ADAM22: variants seen among roughly 807,000 people sequenced by gnomAD.
ADAM22 encodes the protein disintegrin and metalloproteinase domain-containing protein 22.
Under a neutral mutation model 144.6 loss-of-function variants are expected in ADAM22, and 65 were observed. That is an observed-to-expected ratio of 0.45 (90% CI 0.37 to 0.55). ADAM22 has a LOEUF of 0.55. Among genes scored for constraint, ADAM22 ranks in the 20% least tolerant of loss-of-function variants. The pLI, the probability that ADAM22 is intolerant of heterozygous loss-of-function variation, is 0.00. For synonymous variants in ADAM22, 391 were observed against 412.6 expected (o/e 0.95, Z 0.63); for missense variants, 974 against 1,184.9 (o/e 0.82, Z 2.61).
At position 87,934,436 on chromosome 7, in the gene ADAM22, T is replaced by G. The variant is rs181862036; in HGVS notation, c.-30T>G. 1.9e-6 allele frequency: 3 copies of G among 1,573,548 alleles called. No homozygotes were observed. In the African/African-American group the frequency reaches 4.1e-5, roughly 21 times the overall value. On this transcript the variant is annotated 5_prime_UTR_variant, in exon 1 of 32. Transcript: ENST00000413139. Reference sequence around the variant, plus strand: ...CGGCGCCGGCATGAGGAGCTGAGCGTCTCGGGCGAGGCGGGCTGACGGCAG... The same window carrying G: ...CGGCGCCGGCATGAGGAGCTGAGCGGCTCGGGCGAGGCGGGCTGACGGCAG...
chr7:87,951,168 C>A (rs1845024843), intron 2 of ADAM22, among the ~76,000 whole-genome samples: 1 of 150,158 alleles, frequency 6.7e-6, no homozygotes. Context: ...TCAATTTTGT[C>A]TTTTGTTGCC....
chr7:87,968,904 G>T (rs941160696), intron 2 of ADAM22, among the ~76,000 whole-genome samples: 3 of 152,112 alleles, frequency 2.0e-5, no homozygotes, highest in African/African-American at 7.2e-5. Context: ...GAAGGTGAAG[G>T]GGAAGCTGGC....
chr7:87,976,957 G>C (rs1330686024), intron 2 of ADAM22, among the ~76,000 whole-genome samples: 1 of 151,724 alleles, frequency 6.6e-6, no homozygotes, highest in Admixed American at 6.6e-5. Flanking sequence ...CGGGGGATAT[G>C]ATGTATGGCA....
At chr7:88,061,766 AT>A (rs1809931448) in intron 3 of ADAM22, among the ~76,000 whole-genome samples, 1 of 150,096 alleles carries the variant, frequency 6.7e-6, no homozygotes, top group Non-Finnish European at 1.5e-5. Context: ...GTGAGTGAGT[AT>A]TGGCTTAAAG....
chr7:87,957,933 T>C (rs1847173337), intron 2 of ADAM22, among the ~76,000 whole-genome samples: 1 of 152,164 alleles, frequency 6.6e-6, no homozygotes, highest in African/African-American at 2.4e-5. Context: ...TATATTACTG[T>C]TTTGTGTGTA....
At chr7:87,974,850 A>G (rs1048828337) in intron 2 of ADAM22, among the ~76,000 whole-genome samples, 3 of 152,230 alleles carry the variant, frequency 2.0e-5, no homozygotes, top group East Asian at 3.9e-4. Flanking sequence ...TAGTTTCTAG[A>G]GGCTGTCTGC....
At chr7:88,035,483 C>T (rs537588854) in intron 3 of ADAM22, among the ~76,000 whole-genome samples, 1 of 152,270 alleles carries the variant, frequency 6.6e-6, no homozygotes, top group East Asian at 1.9e-4. Flanking sequence ...ATTTCCAGCA[C>T]AATGTATTAT....
chr7:87,968,493 G>T (rs778123556), intron 2 of ADAM22, among the ~76,000 whole-genome samples: 34 of 152,092 alleles, frequency 2.2e-4, no homozygotes, highest in Non-Finnish European at 4.1e-4. Flanking sequence ...ACCTATGATC[G>T]CATCTCTGAA....
At chr7:88,131,499 T>G in intron 11 of ADAM22, 64 bp downstream of exon 11, 1 of 1,514,918 alleles carries the variant, frequency 6.6e-7, no homozygotes, top group South Asian at 1.1e-5. Flanking sequence ...TTATTGTGAC[T>G]GAAATGTATC....
chr7:88,181,885 G>C (rs973132963), intron 28 of ADAM22, 73 bp from the exon 29 acceptor site: 1 of 1,369,578 alleles, frequency 7.3e-7, no homozygotes. Context: ...ATACCCACTT[G>C]AAATGCCTCG....
At chr7:88,144,786 A>G (rs950461559) in intron 15 of ADAM22, among the ~76,000 whole-genome samples, 9 of 152,158 alleles carry the variant, frequency 5.9e-5, no homozygotes, top group African/African-American at 2.2e-4. Context: ...CCAGTTTGAA[A>G]TGAATTTTCA....
intron 3 of ADAM22, among the ~76,000 whole-genome samples, chr7:88,014,131 C>T (rs1464012205): frequency 6.6e-6 from 1 of 152,054 alleles, no homozygotes; most frequent in Non-Finnish European, 1.5e-5. Flanking sequence ...CATCCCGTAT[C>T]TATCTAGTGG....
intron 30 of ADAM22, among the ~76,000 whole-genome samples, chr7:88,189,216 A>G (rs1450581786): frequency 2.0e-5 from 3 of 152,158 alleles, no homozygotes; most frequent in Non-Finnish European, 4.4e-5. Flanking sequence ...AAGTGAGATC[A>G]GGACAAGAGC....
chr7:88,166,019 T>C (rs1278440417), intron 24 of ADAM22, 73 bp downstream of exon 24: 5 of 1,037,408 alleles, frequency 4.8e-6, no homozygotes, highest in Non-Finnish European at 5.5e-6. Context: ...AAACTTTTAT[T>C]TGAGTTATTT....
chr7:88,026,666 C>T (rs1799100220), intron 3 of ADAM22, among the ~76,000 whole-genome samples: 1 of 152,162 alleles, frequency 6.6e-6, no homozygotes, highest in Non-Finnish European at 1.5e-5. Flanking sequence ...ATATAATCTG[C>T]ACACAAGGAT....
chr7:88,188,308 A>G (rs1848810227), intron 30 of ADAM22, among the ~76,000 whole-genome samples: 1 of 152,132 alleles, frequency 6.6e-6, no homozygotes. Context: ...TGTGGCTCTC[A>G]GAGAAAGAGG....
At chr7:88,162,988 T>A (rs2129529679) in intron 22 of ADAM22, 24 bp from the exon 23 acceptor site, 1 of 1,599,316 alleles carries the variant, frequency 6.3e-7, no homozygotes, top group Non-Finnish European at 8.5e-7. Flanking sequence ...ATAGATTCAT[T>A]TTTTGCTCTC....
At chr7:88,049,811 A>G (rs949504122) in intron 3 of ADAM22, among the ~76,000 whole-genome samples, 5 of 152,118 alleles carry the variant, frequency 3.3e-5, no homozygotes, top group Non-Finnish European at 5.9e-5. Context: ...TGAATGGTAT[A>G]TAGATTCTTT....
chr7:88,114,623 G>A lies in ADAM22; in HGVS notation c.513G>A (p.Glu171=). The A allele has an allele frequency of 6.2e-7, 1 of 1,613,904 alleles. No homozygotes were observed. The highest frequency in any genetic ancestry group is 1.1e-5 in the South Asian group (1 of 91,070). ...ACGGGAACCACACATATCTCATTGA[G>A]CCAGAAGAAAATGACACTACTCAAG... ...FYDGNHTYLI[E]PEENDTTQED... The change falls in exon 6 of 32, where the codon GAG becomes GAA. Residue 171 remains glutamate (E), a synonymous_variant. Transcript: ENST00000413139.
Sources: gnomAD v4.1 joint callset for allele counts (sites outside exome capture counted in the v4.1 genomes callset) on GRCh38, gnomAD v4.1.1 for gene constraint, MANE v1.5 for transcripts, NCBI Gene and HGNC (gene_info 2026-07-23, HGNC 2026-07-21) for gene names.